The following CENPI variants were observed in gnomAD, a reference collection of about 807,000 sequenced individuals.
The protein encoded by CENPI is centromere protein I, also known as FSH primary response 1.
A neutral mutation model predicts 60.4 loss-of-function variants in CENPI; 4 were observed. That is an observed-to-expected ratio of 0.07 (90% CI 0.03 to 0.15). The LOEUF (loss-of-function observed/expected upper bound fraction) is 0.15. CENPI is among the 10% of genes least tolerant of loss of function. CENPI has a pLI of 1.00. For synonymous variants in CENPI, 157 were observed against 189.4 expected, an observed-to-expected ratio of 0.83 and a Z score of 1.40; for missense variants, 444 against 534.5, an observed-to-expected ratio of 0.83 and a Z score of 1.67.
chrX:101,155,342 A>C (rs1286507515), intron 20 of CENPI, among the ~76,000 whole-genome samples: 1 of 110,714 alleles, frequency 9.0e-6, no homozygotes, highest in Non-Finnish European at 1.9e-5. Flanking sequence ...GGTACCCGCC[A>C]CCACGCCCGG....
In CENPI at chrX:101,107,916, C is replaced by G. The variant is rs373924303; in HGVS notation, c.365-1557C>G. On this transcript the variant is annotated intron_variant, in intron 4 of 21. Coordinates refer to ENST00000682095, the MANE Select transcript of CENPI (RefSeq NM_001386188.2). ...ACAGGCGTGAGCCACCACACCTGGCCTAATTTTGTATTTTTTTTATTAGAG... is the reference window on the plus strand; with the variant it reads ...ACAGGCGTGAGCCACCACACCTGGCGTAATTTTGTATTTTTTTTATTAGAG... Among the ~76,000 whole-genome samples, 44 of 103,646 alleles carry G rather than the reference C, an allele frequency of 4.2e-4. 1 individual carries two copies. The East Asian group carries it at 0.011, about 26-fold the overall frequency. 90.0% of individuals were successfully genotyped at this position (103,646 alleles called of 115,157 possible). A position where few individuals can be genotyped will look rare whatever the true frequency, so the allele number is the denominator to read the frequency against.
At chrX:101,129,453 G>A (rs1420167308) in intron 12 of CENPI, among the ~76,000 whole-genome samples, 3 of 111,148 alleles carry the variant, frequency 2.7e-5, no homozygotes, top group African/African-American at 6.5e-5. Flanking sequence ...CCAAATTTGA[G>A]TGTTTCTTTA....
the CENPI span, among the ~76,000 whole-genome samples, chrX:101,176,576 T>C: frequency 8.9e-6 from 1 of 112,526 alleles, no homozygotes; most frequent in Non-Finnish European, 1.9e-5. Flanking sequence ...GTGTATTCTT[T>C]TGAGAACTGT....
intron 15 of CENPI, among the ~76,000 whole-genome samples, chrX:101,132,998 T>C (rs1247047873): frequency 9.0e-6 from 1 of 111,196 alleles, no homozygotes; most frequent in Non-Finnish European, 1.9e-5. Context: ...CCAGAAGTTC[T>C]ACCTGAATGA....
At chrX:101,170,971 A>G (rs1255083468), downstream of CENPI, among the ~76,000 whole-genome samples, 1 of 112,060 alleles carries the variant, frequency 8.9e-6, no homozygotes, top group Non-Finnish European at 1.9e-5. Context: ...GGCATTTTAC[A>G]GAAATTGACA....
chrX:101,144,674 T>C (rs1441969869), intron 16 of CENPI, among the ~76,000 whole-genome samples: 1 of 111,686 alleles, frequency 9.0e-6, no homozygotes, highest in African/African-American at 3.3e-5. Context: ...TGAGCCACTC[T>C]GCCCGGCCCT....
Position 101,152,677 on chromosome X carries a change from C to T in CENPI, c.2094+4516C>T, listed in dbSNP as rs192160418. ...TTGGCCTCCCATAGTGCTGGGATTA[C>T]AGGCATGAGCCACAGTGCCCGGACT... On this transcript the variant is annotated intron_variant, in intron 20 of 21. Coordinates refer to ENST00000682095, the MANE Select transcript of CENPI (RefSeq NM_001386188.2). 2.8e-4 allele frequency among the ~76,000 whole-genome samples: 31 copies of T among 111,448 alleles called. No individual in the cohort carries two copies. In the East Asian group the frequency reaches 6.8e-3, roughly 24 times the overall value.
chrX:101,153,306 T>C (rs2090024414), intron 20 of CENPI, among the ~76,000 whole-genome samples: 1 of 109,796 alleles, frequency 9.1e-6, no homozygotes, highest in Non-Finnish European at 1.9e-5. Context: ...GTTCTTTTTT[T>C]TTTTTTGAGA....
chrX:101,124,090 AGTGTGTGTGTGTGTGTGTGTGT>A (rs397842781), intron 8 of CENPI, among the ~76,000 whole-genome samples: 5 of 88,272 alleles, frequency 5.7e-5, no homozygotes, highest in South Asian at 1.3e-3. Flanking sequence ...TATAGAATCA[AGTGTGTGTGTGTGTGTGTGTGT>A]GTGTGTGTGT....
chrX:101,133,655 T>G, intron 15 of CENPI, among the ~76,000 whole-genome samples: 1 of 110,804 alleles, frequency 9.0e-6, no homozygotes, highest in Middle Eastern at 4.6e-3. Flanking sequence ...AAAGGAATCT[T>G]AAGAAATTGC....
chrX:101,151,415 CT>C (rs2090004933), intron 20 of CENPI, among the ~76,000 whole-genome samples: 1 of 111,792 alleles, frequency 8.9e-6, no homozygotes, highest in Non-Finnish European at 1.9e-5. Flanking sequence ...AGACTTACTT[CT>C]TTGGGTTATC....
At chrX:101,170,824 G>T (rs2090155198), downstream of CENPI, among the ~76,000 whole-genome samples, 1 of 110,292 alleles carries the variant, frequency 9.1e-6, no homozygotes, top group Non-Finnish European at 1.9e-5. Context: ...TAGAGACAGG[G>T]TTTTGCCGTG....
chrX:101,116,331 T>A (rs1024100463), intron 6 of CENPI, among the ~76,000 whole-genome samples: 14 of 109,781 alleles, frequency 1.3e-4, no homozygotes, highest in Admixed American at 4.0e-4. Context: ...CAGCTATCGT[T>A]AGTGTATTTT....
At chrX:101,135,946 C>T (rs1243337235) in intron 15 of CENPI, among the ~76,000 whole-genome samples, 1 of 112,264 alleles carries the variant, frequency 8.9e-6, no homozygotes, top group Non-Finnish European at 1.9e-5. Flanking sequence ...TGGTCACGAA[C>T]TCCTGACCTC....
At position 101,128,832 on chromosome X, in the gene CENPI, A is replaced by G. The variant is rs372032393; in HGVS notation, c.1191A>G (p.Gln397=). The G allele has an allele frequency of 3.1e-5, 38 of 1,207,425 alleles. No individual in the cohort carries two copies. The highest frequency in any genetic ancestry group is 2.3e-4 in the Middle Eastern group (1 of 4,356). Residue 397 remains glutamine, a synonymous_variant, in exon 12 of 22, where the codon CAA becomes CAG. Coordinates refer to ENST00000682095, the MANE Select transcript of CENPI (RefSeq NM_001386188.2). ...RFYYWLSQTL[Q]EECIWYKVNN... The stretch of plus-strand genomic sequence containing the variant: ...ATTACTGGTTGAGTCAAACATTACA[A>G]GAAGGTAAGAATTGAGTGAGGATGG...
rs1254645711 is a variant in CENPI at position 101,163,116 on chromosome X, G to A, written c.*149G>A. On this transcript the variant is annotated 3_prime_UTR_variant, in exon 22 of 22. Transcript: ENST00000682095. ...GACTGGCCTTCTGTTCATGGCTTAG[G>A]AGAGCCTTGGTGTGCCTAACTGATT... is the stretch of plus-strand genomic sequence containing the variant. 4 of 577,558 alleles carry A rather than the reference G, an allele frequency of 6.9e-6. No individual in the cohort carries two copies. Among genetic ancestry groups the A allele is most frequent in the Non-Finnish European group, 1.1e-5 (4 of 374,001 alleles). The allele number at this position is 577,558 out of a possible 1,213,427, so 47.6% of individuals were successfully genotyped here. A position where few individuals can be genotyped will look rare whatever the true frequency, so the allele number is the denominator to read the frequency against.
At chrX:101,154,496 G>A (rs979075552) in intron 20 of CENPI, among the ~76,000 whole-genome samples, 10 of 111,194 alleles carry the variant, frequency 9.0e-5, no homozygotes, top group African/African-American at 2.9e-4. Context: ...CAGGAGAATC[G>A]CTTGAACCTG....
At chrX:101,107,084 A>T (rs1289427430) in intron 4 of CENPI, among the ~76,000 whole-genome samples, 1 of 103,630 alleles carries the variant, frequency 9.6e-6, no homozygotes, top group Non-Finnish European at 2.0e-5. Context: ...AAAAAAAAGA[A>T]TATCTGTTCT....
chrX:101,162,325 G>A lies in CENPI; in HGVS notation c.2137-508G>A, dbSNP rs187023911. Among the ~76,000 whole-genome samples, 509 of 105,866 alleles carry A rather than the reference G, an allele frequency of 4.8e-3. 2 individuals carry two copies. Among genetic ancestry groups the A allele is most frequent in the African/African-American group, 0.017 (486 of 28,900 alleles). The allele number at this position is 105,866 out of a possible 115,157, so 91.9% of individuals were successfully genotyped here. A position where few individuals can be genotyped will look rare whatever the true frequency, so the allele number is the denominator to read the frequency against. On this transcript the variant is annotated intron_variant, in intron 21 of 21. Coordinates refer to ENST00000682095, the MANE Select transcript of CENPI (RefSeq NM_001386188.2). ...AAAAATTAGCCAGGCATAGTGGCAC[G>A]TGCCTGTGGTCCCAGCTACTTGGGA...
Sources: gnomAD v4.1 joint callset for allele counts (sites outside exome capture counted in the v4.1 genomes callset) on GRCh38, gnomAD v4.1.1 for gene constraint, MANE v1.5 for transcripts, NCBI Gene and HGNC (gene_info 2026-07-23, HGNC 2026-07-21) for gene names.